DNER: variants seen among roughly 807,000 people sequenced by gnomAD.
DNER encodes delta/notch like EGF repeat containing.
A neutral mutation model predicts 78.2 loss-of-function variants in DNER; 33 were observed. That is an observed-to-expected ratio of 0.42 (90% CI 0.32 to 0.56). DNER has a LOEUF of 0.56. DNER is among the 20% of genes least tolerant of loss of function. The pLI is 0.11. For synonymous variants in DNER, 417 were observed against 384.8 expected (o/e 1.08, Z -0.98); for missense variants, 918 against 975.3 (o/e 0.94, Z 0.78).
intron 6 of DNER, among the ~76,000 whole-genome samples, chr2:229,497,191 C>T (rs1460022618): frequency 6.6e-6 from 1 of 152,096 alleles, no homozygotes; most frequent in East Asian, 1.9e-4. Context: ...GCAACATGCT[C>T]TTGCACAACC....
At chr2:229,502,383 C>G (rs116290158) in intron 6 of DNER, among the ~76,000 whole-genome samples, 4 of 152,054 alleles carry the variant, frequency 2.6e-5, no homozygotes, top group Non-Finnish European at 4.4e-5. Flanking sequence ...AACCTAGATA[C>G]GTTCCTCTTG....
chr2:229,502,230 CAGA>C (rs1333519137), intron 6 of DNER, among the ~76,000 whole-genome samples: 1 of 152,174 alleles, frequency 6.6e-6, no homozygotes, highest in African/African-American at 2.4e-5. Flanking sequence ...CAGTGCCCAT[CAGA>C]AGAACTCTCA....
chr2:229,612,536 G>A (rs572089834), intron 1 of DNER, among the ~76,000 whole-genome samples: 26 of 152,356 alleles, frequency 1.7e-4, no homozygotes, highest in African/African-American at 5.3e-4. Context: ...CCAGCTGTGC[G>A]TGAGAGCTGT....
At chr2:229,409,211 A>G (rs527907110) in intron 9 of DNER, among the ~76,000 whole-genome samples, 1 of 152,330 alleles carries the variant, frequency 6.6e-6, no homozygotes, top group Admixed American at 6.5e-5. Flanking sequence ...AAAGAATAAA[A>G]AGCAGAAGAG....
At chr2:229,691,124 T>C (rs1452421655) in intron 1 of DNER, among the ~76,000 whole-genome samples, 1 of 152,158 alleles carries the variant, frequency 6.6e-6, no homozygotes, top group Non-Finnish European at 1.5e-5. Flanking sequence ...CTTTGAAGGG[T>C]GTCCAGCATT....
intron 4 of DNER, among the ~76,000 whole-genome samples, chr2:229,584,295 G>A (rs965030860): frequency 6.6e-6 from 1 of 152,158 alleles, no homozygotes; most frequent in African/African-American, 2.4e-5. Flanking sequence ...TCCAGGTGAG[G>A]ATGGTTGCAA....
At chr2:229,564,323 CTT>C (rs1697051460) in intron 4 of DNER, among the ~76,000 whole-genome samples, 1 of 148,248 alleles carries the variant, frequency 6.7e-6, no homozygotes. Flanking sequence ...CCATCATCAT[CTT>C]CCTCACCCCA....
chr2:229,376,378 C>T (rs1168795110), intron 11 of DNER, among the ~76,000 whole-genome samples: 1 of 152,162 alleles, frequency 6.6e-6, no homozygotes, highest in Non-Finnish European at 1.5e-5. Context: ...TCGTCAGACA[C>T]TGGATCTGCC....
chr2:229,477,318 G>T (rs1391651229), intron 6 of DNER, 65 bp from the exon 7 acceptor site: 3 of 1,190,074 alleles, frequency 2.5e-6, no homozygotes, highest in Non-Finnish European at 3.6e-6. Context: ...AGCCACTCTA[G>T]GAATTGATGG....
At chr2:229,585,575 G>A (rs1226185868) in intron 4 of DNER, among the ~76,000 whole-genome samples, 1 of 151,664 alleles carries the variant, frequency 6.6e-6, no homozygotes. Context: ...CAGGAGAATC[G>A]CTTGAACTCA....
chr2:229,417,134 C>T (rs1693671674), intron 9 of DNER, among the ~76,000 whole-genome samples: 1 of 152,134 alleles, frequency 6.6e-6, no homozygotes, highest in Non-Finnish European at 1.5e-5. Flanking sequence ...CAAGACCTGG[C>T]CCAGCTTCAG....
At chr2:229,690,947 T>A (rs568367059) in intron 1 of DNER, among the ~76,000 whole-genome samples, 6 of 152,340 alleles carry the variant, frequency 3.9e-5, no homozygotes, top group Middle Eastern at 3.4e-3. Flanking sequence ...ACTGCCCACT[T>A]ATTAAGAATA....
chr2:229,620,540 A>G (rs1344588520), intron 1 of DNER, among the ~76,000 whole-genome samples: 1 of 152,214 alleles, frequency 6.6e-6, no homozygotes, highest in Non-Finnish European at 1.5e-5. Context: ...CTCGAGGCAG[A>G]AGCAGCCCTC....
At chr2:229,605,941 T>C (rs1220527011) in intron 1 of DNER, among the ~76,000 whole-genome samples, 1 of 152,170 alleles carries the variant, frequency 6.6e-6, no homozygotes, top group Non-Finnish European at 1.5e-5. Flanking sequence ...GCAAATGCCA[T>C]AGGCATCCAT....
At chr2:229,550,992 C>T (rs1206344783) in intron 4 of DNER, among the ~76,000 whole-genome samples, 1 of 152,144 alleles carries the variant, frequency 6.6e-6, no homozygotes, top group Non-Finnish European at 1.5e-5. Context: ...TCCTTGCACA[C>T]TAAGGTGTTG....
intron 1 of DNER, chr2:229,702,296 A>G (rs1699759641): frequency 6.5e-6 from 1 of 152,914 alleles, no homozygotes. Flanking sequence ...GCACTTTGGG[A>G]GGTCAAGGCG....
chr2:229,669,447 G>GA (rs890970833), intron 1 of DNER, among the ~76,000 whole-genome samples: 10 of 151,870 alleles, frequency 6.6e-5, no homozygotes, highest in Admixed American at 6.6e-4. Flanking sequence ...CCAATTCTGT[G>GA]AAAAAAGTTA....
chr2:229,640,089 T>C lies in DNER; in HGVS notation c.277-48201A>G, dbSNP rs561939933. On this transcript the variant is annotated intron_variant, in intron 1 of 12. Transcript: ENST00000341772. ...TCTTTTCACAGCTTACAGGAGTACT[T>C]GTCCTTGCTACTGCACCACTGAAAT... Among the ~76,000 whole-genome samples, 102 of 152,352 alleles carry C rather than the reference T, an allele frequency of 6.7e-4. 1 individual carries two copies. The highest frequency in any genetic ancestry group is 1.1e-3 in the Non-Finnish European group (78 of 68,026).
At chr2:229,631,387 C>T (rs1434900142) in intron 1 of DNER, among the ~76,000 whole-genome samples, 2 of 152,194 alleles carry the variant, frequency 1.3e-5, no homozygotes. Context: ...TGAAAGCCAT[C>T]ATAGAGTCCC....
Sources: allele counts gnomAD v4.1 joint callset (sites outside exome capture counted in the v4.1 genomes callset), GRCh38; gene constraint gnomAD v4.1.1; transcripts MANE v1.5; gene names NCBI Gene and HGNC (gene_info 2026-07-23, HGNC 2026-07-21).